The following COL25A1 variants were observed in gnomAD, a reference collection of about 807,000 sequenced individuals.
COL25A1 encodes collagen alpha-1(XXV) chain.
A neutral mutation model predicts 128.4 loss-of-function variants in COL25A1; 103 were observed. The ratio of observed to expected loss-of-function variants is 0.80; its 90% CI spans 0.68 to 0.94. The LOEUF (loss-of-function observed/expected upper bound fraction) is 0.94. Among genes scored for constraint, COL25A1 ranks in the 40% least tolerant of loss-of-function variants. The probability of loss-of-function intolerance (pLI) is 0.00; values close to 1 mark genes in which losing one functional copy is unlikely to be tolerated. For missense variants in COL25A1, 745 were observed against 840.0 expected (o/e 0.89, Z 1.40); for synonymous variants, 279 against 277.2 (o/e 1.01, Z -0.06).
chr4:109,146,542 T>C (rs1460610762), intron 3 of COL25A1, among the ~76,000 whole-genome samples: 2 of 152,268 alleles, frequency 1.3e-5, no homozygotes, highest in African/African-American at 4.8e-5. Context: ...GAAGCCAAAC[T>C]AAATAATAAG....
intron 3 of COL25A1, among the ~76,000 whole-genome samples, chr4:109,247,852 A>G (rs1780379787): frequency 6.6e-6 from 1 of 152,220 alleles, no homozygotes; most frequent in South Asian, 2.1e-4. Context: ...ACAAGATCCA[A>G]GTAAAACATC....
chr4:109,025,400 T>C (rs1758162416), intron 5 of COL25A1, among the ~76,000 whole-genome samples: 1 of 152,220 alleles, frequency 6.6e-6, no homozygotes, highest in Non-Finnish European at 1.5e-5. Flanking sequence ...GCTATGTTGA[T>C]TGTTCCAGAT....
intron 5 of COL25A1, among the ~76,000 whole-genome samples, chr4:109,043,460 C>T (rs1252781200): frequency 6.6e-6 from 1 of 152,046 alleles, no homozygotes; most frequent in Non-Finnish European, 1.5e-5. Flanking sequence ...CAGGACAGAG[C>T]AGGCTGCACA....
chr4:108,824,121 G>A, intron 35 of COL25A1, 53 bp downstream of exon 35: 1 of 1,613,936 alleles, frequency 6.2e-7, no homozygotes, highest in Non-Finnish European at 8.5e-7. Context: ...GAACAGCAAA[G>A]CAGACAGCAG....
chr4:108,868,547 A>AAAAGAAAGAAAGAAG (rs750063912), intron 20 of COL25A1, among the ~76,000 whole-genome samples: 119 of 98,432 alleles, frequency 1.2e-3, no homozygotes, highest in Non-Finnish European at 1.9e-3. Context: ...AAGAAAAGAA[A>AAAAGAAAGAAAGAAG]AAAGAAAGAA....
chr4:108,856,326 A>G (rs1736504367), intron 24 of COL25A1, among the ~76,000 whole-genome samples: 1 of 152,200 alleles, frequency 6.6e-6, no homozygotes, highest in South Asian at 2.1e-4. Flanking sequence ...TGTAAATCAC[A>G]ATCTTCAATA....
chr4:109,014,845 C>T (rs564896217), intron 5 of COL25A1, among the ~76,000 whole-genome samples: 93 of 152,278 alleles, frequency 6.1e-4, no homozygotes, highest in Non-Finnish European at 1.1e-3. Flanking sequence ...GTAACAAATT[C>T]GGAAACTCTT....
intron 3 of COL25A1, among the ~76,000 whole-genome samples, chr4:109,216,677 C>G (rs1221150709): frequency 3.3e-5 from 5 of 152,126 alleles, no homozygotes; most frequent in Non-Finnish European, 5.9e-5. Flanking sequence ...AAGGGCCCTC[C>G]TCTAGAGGCT....
intron 3 of COL25A1, among the ~76,000 whole-genome samples, chr4:109,070,633 C>T (rs1299316099): frequency 2.6e-5 from 4 of 151,504 alleles, no homozygotes; most frequent in African/African-American, 7.3e-5. Flanking sequence ...GTGTGCTGCA[C>T]CCATTAACTC....
intron 3 of COL25A1, among the ~76,000 whole-genome samples, chr4:109,175,539 C>A (rs1774011641): frequency 6.6e-6 from 1 of 152,138 alleles, no homozygotes; most frequent in Non-Finnish European, 1.5e-5. Context: ...TGTTACTTTT[C>A]CCCCTCACTG....
At chr4:109,220,534 T>C (rs1187859169) in intron 3 of COL25A1, among the ~76,000 whole-genome samples, 1 of 152,200 alleles carries the variant, frequency 6.6e-6, no homozygotes, top group Non-Finnish European at 1.5e-5. Flanking sequence ...GGACTAATTC[T>C]ATCATGTATC....
chr4:108,964,611 G>A (rs775379034), intron 8 of COL25A1, among the ~76,000 whole-genome samples: 13 of 151,742 alleles, frequency 8.6e-5, no homozygotes, highest in Non-Finnish European at 1.6e-4. Context: ...CACTAACACT[G>A]AGATAAAATT....
chr4:109,121,503 TG>T (rs1414362423), intron 3 of COL25A1, among the ~76,000 whole-genome samples: 11 of 151,962 alleles, frequency 7.2e-5, no homozygotes, highest in Non-Finnish European at 1.5e-4. Context: ...AATAAACAGA[TG>T]ACAACTAAAC....
Position 109,074,691 on chromosome 4 carries a change from A to C in COL25A1, c.368-24512T>G, listed in dbSNP as rs1763246437. 2.0e-5 allele frequency among the ~76,000 whole-genome samples: 3 copies of C among 152,204 alleles called. No individual in the cohort carries two copies. The South Asian group carries it at 6.2e-4, about 31-fold the overall frequency. Reference sequence around the variant, plus strand: ...GTGTATTATTCTCATTAATTATGAGAATATGATTAAATGATTTACTCATTT... The same window carrying C: ...GTGTATTATTCTCATTAATTATGAGCATATGATTAAATGATTTACTCATTT... On this transcript the variant is annotated intron_variant, in intron 3 of 37. Transcript: ENST00000399132.
intron 3 of COL25A1, among the ~76,000 whole-genome samples, chr4:109,144,371 T>C (rs1770732841): frequency 6.6e-6 from 1 of 152,184 alleles, no homozygotes; most frequent in African/African-American, 2.4e-5. Flanking sequence ...GAGGCATGGG[T>C]GTCAAGGACC....
intron 3 of COL25A1, among the ~76,000 whole-genome samples, chr4:109,109,065 T>C (rs938928640): frequency 1.3e-5 from 2 of 152,010 alleles, no homozygotes; most frequent in African/African-American, 4.8e-5. Flanking sequence ...TTTCAAAAAA[T>C]GAAGATGCCA....
rs3113695 is a variant in COL25A1 at position 109,085,493 on chromosome 4, A to C, written c.368-35314T>G. On this transcript the variant is annotated intron_variant, in intron 3 of 37. Coordinates refer to ENST00000399132, the MANE Select transcript of COL25A1 (RefSeq NM_198721.4). ...ATTTCATTCACCTGGACAACTATAA[A>C]GTTCTAAGTGAACTAGTTTCTAGTC... is the stretch of plus-strand genomic sequence containing the variant. 5.7e-4 allele frequency among the ~76,000 whole-genome samples: 87 copies of C among 152,298 alleles called. 1 individual carries two copies. The highest frequency in any genetic ancestry group is 2.0e-3 in the African/African-American group (82 of 41,558).
At chr4:109,222,266 G>A (rs1249516442) in intron 3 of COL25A1, among the ~76,000 whole-genome samples, 1 of 151,788 alleles carries the variant, frequency 6.6e-6, no homozygotes, top group Non-Finnish European at 1.5e-5. Context: ...GTTTCACCAT[G>A]TTGGCCAGGA....
intron 3 of COL25A1, among the ~76,000 whole-genome samples, chr4:109,050,856 C>A (rs1760915716): frequency 6.6e-6 from 1 of 150,992 alleles, no homozygotes. Flanking sequence ...ATGATGATCC[C>A]ATTTTAAAAG....
Sources: gnomAD v4.1 joint callset for allele counts (sites outside exome capture counted in the v4.1 genomes callset) on GRCh38, gnomAD v4.1.1 for gene constraint, MANE v1.5 for transcripts, NCBI Gene and HGNC (gene_info 2026-07-23, HGNC 2026-07-21) for gene names.